ZRANB3: variants seen among roughly 807,000 people sequenced by gnomAD.
ZRANB3 encodes zinc finger RANBP2-type containing 3.
A neutral mutation model predicts 133.8 loss-of-function variants in ZRANB3; 125 were observed. That is an observed-to-expected ratio of 0.93 (90% CI 0.81 to 1.08). The LOEUF (loss-of-function observed/expected upper bound fraction) is 1.08, where lower values mean the gene tolerates loss of function less well. Ranked by LOEUF, ZRANB3 falls within the 50% of genes least tolerant of loss-of-function variation. ZRANB3 has a pLI of 0.00. For missense variants in ZRANB3, 1,229 were observed against 1,275.5 expected (o/e 0.96, Z 0.56); for synonymous variants, 387 against 432.7 (o/e 0.89, Z 1.31).
chr2:135,301,030 C>A (rs1410727067), intron 8 of ZRANB3, among the ~76,000 whole-genome samples: 1 of 151,784 alleles, frequency 6.6e-6, no homozygotes, highest in Non-Finnish European at 1.5e-5. Context: ...AAGAGGAATT[C>A]CTCCTCTTCT....
intron 12 of ZRANB3, among the ~76,000 whole-genome samples, chr2:135,234,109 C>A (rs1021442394): frequency 6.6e-6 from 1 of 151,926 alleles, no homozygotes; most frequent in African/African-American, 2.4e-5. Flanking sequence ...ATCTACCAAG[C>A]AAATGGAAAA....
At chr2:135,247,852 G>A (rs1695871931) in intron 12 of ZRANB3, among the ~76,000 whole-genome samples, 1 of 152,336 alleles carries the variant, frequency 6.6e-6, no homozygotes, top group Admixed American at 6.5e-5. Context: ...CCAAGCGAAA[G>A]GGAGTGTGGA....
At chr2:135,519,135 G>T (rs1693816238) in intron 1 of ZRANB3, among the ~76,000 whole-genome samples, 1 of 152,184 alleles carries the variant, frequency 6.6e-6, no homozygotes, top group Non-Finnish European at 1.5e-5. Flanking sequence ...GATAGAAGTG[G>T]TTGTGGCTAT....
At chr2:135,281,696 G>T (rs182953805) in intron 8 of ZRANB3, among the ~76,000 whole-genome samples, 2 of 152,128 alleles carry the variant, frequency 1.3e-5, no homozygotes, top group Admixed American at 1.3e-4. Context: ...AGCTTCACTG[G>T]GATACAATTC....
At chr2:135,415,870 T>C (rs1156814385) in intron 2 of ZRANB3, among the ~76,000 whole-genome samples, 11 of 151,206 alleles carry the variant, frequency 7.3e-5, no homozygotes, top group East Asian at 1.9e-4. Flanking sequence ...ATGATTATCT[T>C]AATAGATGCA....
At chr2:135,394,961 A>G (rs891292459) in intron 2 of ZRANB3, among the ~76,000 whole-genome samples, 5 of 149,974 alleles carry the variant, frequency 3.3e-5, no homozygotes, top group African/African-American at 9.9e-5. Context: ...TACAAAAAAA[A>G]AAAAAAAAAA....
At chr2:135,206,256 T>C (rs78407195) in intron 19 of ZRANB3, among the ~76,000 whole-genome samples, 1 of 151,936 alleles carries the variant, frequency 6.6e-6, no homozygotes, top group African/African-American at 2.4e-5. Flanking sequence ...TTTTTTTTTT[T>C]GGAGACAGAG....
chr2:135,455,171 CTTTTTTTTTTTTTTTTT>C (rs1166170814), intron 2 of ZRANB3, among the ~76,000 whole-genome samples: 13 of 37,598 alleles, frequency 3.5e-4, no homozygotes, highest in Non-Finnish European at 4.4e-4. Flanking sequence ...CCTTCTTATA[CTTTTTTTTTTTTTTTTT>C]TTTTTTTTTT....
Position 135,275,618 on chromosome 2 carries a change from T to TA in ZRANB3, c.1086+17dup. 2 of 1,558,510 alleles carry TA rather than the reference T, an allele frequency of 1.3e-6. No individual in the cohort carries two copies. Among genetic ancestry groups the TA allele is most frequent in the Non-Finnish European group, 1.7e-6 (2 of 1,150,282 alleles). Reference sequence around the variant, plus strand: ...ATATGCATTCTAAAAAGTATTTAGTTAAAAAATGGCAACATACCTTATTTT... The same window carrying TA: ...ATATGCATTCTAAAAAGTATTTAGTTAAAAAAATGGCAACATACCTTATTTT... On this transcript the variant is annotated intron_variant, in intron 9 of 20. Coordinates refer to ENST00000264159, the MANE Select transcript of ZRANB3 (RefSeq NM_032143.4).
At chr2:135,252,953 A>G (rs905792559) in intron 12 of ZRANB3, among the ~76,000 whole-genome samples, 36 of 152,186 alleles carry the variant, frequency 2.4e-4, no homozygotes, top group African/African-American at 7.7e-4. Flanking sequence ...AATGTCTGGC[A>G]TTTTTTGCCT....
intron 12 of ZRANB3, among the ~76,000 whole-genome samples, chr2:135,236,314 C>T (rs886656494): frequency 1.3e-5 from 2 of 152,020 alleles, no homozygotes; most frequent in Non-Finnish European, 2.9e-5. Flanking sequence ...GAAGAACATT[C>T]CATGCTCATG....
chr2:135,244,313 A>C (rs1460031268), intron 12 of ZRANB3, among the ~76,000 whole-genome samples: 1 of 152,116 alleles, frequency 6.6e-6, no homozygotes, highest in East Asian at 1.9e-4. Flanking sequence ...TCTACTAAAA[A>C]CACAAAAATT....
At chr2:135,234,429 C>G (rs1573727094) in intron 12 of ZRANB3, among the ~76,000 whole-genome samples, 1 of 152,208 alleles carries the variant, frequency 6.6e-6, no homozygotes, top group Non-Finnish European at 1.5e-5. Context: ...GAACCCAGCT[C>G]TGCACCAAGC....
At chr2:135,458,468 G>A (rs1690624763) in intron 2 of ZRANB3, among the ~76,000 whole-genome samples, 1 of 151,744 alleles carries the variant, frequency 6.6e-6, no homozygotes, top group South Asian at 2.1e-4. Context: ...TTTTAGACAT[G>A]CTGCATATAT....
intron 2 of ZRANB3, among the ~76,000 whole-genome samples, chr2:135,478,881 A>T (rs1247510897): frequency 1.3e-5 from 2 of 151,750 alleles, no homozygotes; most frequent in Non-Finnish European, 2.9e-5. Context: ...TATACCTGTT[A>T]TATGTATATA....
intron 6 of ZRANB3, among the ~76,000 whole-genome samples, chr2:135,316,110 T>A (rs914474529): frequency 2.0e-5 from 3 of 152,028 alleles, no homozygotes; most frequent in African/African-American, 7.2e-5. Flanking sequence ...AAAATTACTA[T>A]GAAAGAGAGA....
At chr2:135,251,471 C>T (rs77688069) in intron 12 of ZRANB3, among the ~76,000 whole-genome samples, 4 of 152,098 alleles carry the variant, frequency 2.6e-5, no homozygotes, top group Non-Finnish European at 5.9e-5. Context: ...TTGGCTGTGT[C>T]CCCACCCAAA....
At chr2:135,434,668 C>A (rs1330435958) in intron 2 of ZRANB3, among the ~76,000 whole-genome samples, 1 of 152,156 alleles carries the variant, frequency 6.6e-6, no homozygotes, top group Admixed American at 6.5e-5. Flanking sequence ...TTATAAATAT[C>A]CAGATTTACT....
chr2:135,408,941 G>A (rs112917893), intron 2 of ZRANB3, among the ~76,000 whole-genome samples: 1,581 of 152,056 alleles, frequency 0.01, 25 homozygotes, highest in African/African-American at 0.036. Context: ...TAACCTGCAC[G>A]TTGGCAGATG....
Sources: gnomAD v4.1 joint callset for allele counts (sites outside exome capture counted in the v4.1 genomes callset) on GRCh38, gnomAD v4.1.1 for gene constraint, MANE v1.5 for transcripts, NCBI Gene and HGNC (gene_info 2026-07-23, HGNC 2026-07-21) for gene names.